Variants in GALNT9 observed in about 807,000 individuals in gnomAD.
GALNT9 encodes polypeptide N-acetylgalactosaminyltransferase 9.
GALNT9 carries 47 observed loss-of-function variants against 63.1 expected under a neutral mutation model. That is an observed-to-expected ratio of 0.75 (90% CI 0.59 to 0.95). GALNT9 has a LOEUF of 0.95. Among genes scored for constraint, GALNT9 ranks in the 40% least tolerant of loss-of-function variants. The pLI is 0.00. For synonymous variants in GALNT9, 396 were observed against 365.7 expected (o/e 1.08, Z -0.94); for missense variants, 829 against 874.8 (o/e 0.95, Z 0.66).
intron 5 of GALNT9, among the ~76,000 whole-genome samples, chr12:132,250,328 CGGG>C (rs2135536382): frequency 6.6e-6 from 1 of 152,182 alleles, no homozygotes; most frequent in East Asian, 1.9e-4. Context: ...GGGGTCCCCA[CGGG>C]GAGGGAGGAC....
chr12:132,278,563 G>A (rs1555241435), intron 2 of GALNT9: 2 of 152,244 alleles, frequency 1.3e-5, no homozygotes, highest in African/African-American at 2.4e-5. Context: ...CCAAGAGGAA[G>A]TGGAGGCTGA....
At chr12:132,326,391 G>A (rs1187512956) in intron 1 of GALNT9, among the ~76,000 whole-genome samples, 1 of 152,230 alleles carries the variant, frequency 6.6e-6, no homozygotes, top group Non-Finnish European at 1.5e-5. Flanking sequence ...ACTACACAGA[G>A]CTTCCTTAAT....
intron 6 of GALNT9, among the ~76,000 whole-genome samples, chr12:132,244,157 G>A (rs1878602749): frequency 7.7e-6 from 1 of 129,300 alleles, no homozygotes; most frequent in Admixed American, 8.0e-5. Flanking sequence ...GACAGCCTGC[G>A]GTGCCTCCAC....
chr12:132,317,523 C>T (rs554832437), intron 1 of GALNT9, among the ~76,000 whole-genome samples: 1 of 152,380 alleles, frequency 6.6e-6, no homozygotes, highest in South Asian at 2.1e-4. Flanking sequence ...TCCAGGATCA[C>T]CTGCGAACAG....
At chr12:132,198,065 C>G in intron 9 of GALNT9, 106 bp from the exon 10 acceptor site, 6 of 967,150 alleles carry the variant, frequency 6.2e-6, no homozygotes, top group South Asian at 1.6e-5. Context: ...GGGCCCTGCG[C>G]GGCTGCCTTG....
intron 2 of GALNT9, among the ~76,000 whole-genome samples, chr12:132,272,029 G>A (rs1279803448): frequency 6.6e-6 from 1 of 152,114 alleles, no homozygotes; most frequent in Non-Finnish European, 1.5e-5. Context: ...CTGCGCTCGA[G>A]GGCGGGGGGA....
Position 132,296,758 on chromosome 12 carries a change from G to C in GALNT9, c.239-10328C>G, listed in dbSNP as rs963740639. 6.6e-6 allele frequency among the ~76,000 whole-genome samples: 1 copy of C among 151,846 alleles called. No homozygotes were observed. The highest frequency in any genetic ancestry group is 2.4e-5 in the African/African-American group (1 of 41,324). On this transcript the variant is annotated intron_variant, in intron 1 of 10. Coordinates refer to ENST00000328957, the MANE Select transcript of GALNT9 (RefSeq NM_001122636.2). This position sits in a 1 kb window ranked among gnomAD's most constrained non-coding sequence, Gnocchi z 4.2. ...CACTCTGGGAGGCTGGGAAGTCCAA[G>C]ATGAAGAGGCACGGATCTGACTTCG...
intron 6 of GALNT9, among the ~76,000 whole-genome samples, chr12:132,208,425 TGA>T (rs1876816074): frequency 6.6e-6 from 1 of 152,218 alleles, no homozygotes; most frequent in South Asian, 2.1e-4. Context: ...CTCTCCCCAC[TGA>T]GAGGGGGACG....
At chr12:132,328,864 C>T (rs1179566766) in intron 1 of GALNT9, 102 bp downstream of exon 1, 2 of 1,309,808 alleles carry the variant, frequency 1.5e-6, no homozygotes, top group Admixed American at 3.1e-5. Flanking sequence ...CCCACAGGGG[C>T]GCAGAGGGGC....
intron 1 of GALNT9, among the ~76,000 whole-genome samples, chr12:132,305,659 A>G (rs1881580595): frequency 6.6e-6 from 1 of 151,930 alleles, no homozygotes; most frequent in Non-Finnish European, 1.5e-5. Context: ...TCGCCCGGGC[A>G]CAGCCTCGCC....
At chr12:132,304,976 C>A (rs1881523499) in intron 1 of GALNT9, among the ~76,000 whole-genome samples, 1 of 36,394 alleles carries the variant, frequency 2.7e-5, no homozygotes, top group Non-Finnish European at 4.8e-5. Flanking sequence ...CGGGCACACC[C>A]TCACCCGGGC....
At chr12:132,314,378 T>C (rs964137861) in intron 1 of GALNT9, among the ~76,000 whole-genome samples, 4 of 152,156 alleles carry the variant, frequency 2.6e-5, no homozygotes, top group East Asian at 3.9e-4. Context: ...GGACCTACCA[T>C]GTGGGAGGCA....
rs563397226 is a variant in GALNT9 at position 132,216,242 on chromosome 12, G to A, written c.1078-12552C>T. Among the ~76,000 whole-genome samples the A allele has an allele frequency of 3.9e-5, 6 of 152,324 alleles. No individual in the cohort carries two copies. The East Asian group carries it at 1.2e-3, about 29-fold the overall frequency. On this transcript the variant is annotated intron_variant, in intron 6 of 10. Coordinates refer to ENST00000328957, the MANE Select transcript of GALNT9 (RefSeq NM_001122636.2). ...AGACAAAGGAACAGATTATAGAGAA[G>A]ACAGAGATAGAGATGAAGACACAGA...
chr12:132,259,965 G>GAGCA (rs1879303587), intron 4 of GALNT9, among the ~76,000 whole-genome samples: 1 of 151,580 alleles, frequency 6.6e-6, no homozygotes, highest in African/African-American at 2.4e-5. Flanking sequence ...GGAACACCCT[G>GAGCA]TGCATTGTGG....
intron 6 of GALNT9, among the ~76,000 whole-genome samples, chr12:132,225,855 ACACT>A (rs1417477903): frequency 7.2e-6 from 1 of 139,454 alleles, no homozygotes; most frequent in Non-Finnish European, 1.5e-5. Context: ...CACACCCCAC[ACACT>A]GTGTATACAC....
intron 2 of GALNT9, among the ~76,000 whole-genome samples, chr12:132,264,080 T>A (rs1021502070): frequency 1.1e-4 from 16 of 152,238 alleles, no homozygotes; most frequent in African/African-American, 3.1e-4. Flanking sequence ...TCATTCTCAA[T>A]GACCTCTCAT....
intron 3 of GALNT9, among the ~76,000 whole-genome samples, chr12:132,262,068 A>G (rs782067769): frequency 5.3e-5 from 8 of 152,200 alleles, no homozygotes; most frequent in Non-Finnish European, 7.4e-5. Flanking sequence ...GCTGACCCCA[A>G]CTTCATCTCC....
intron 6 of GALNT9, among the ~76,000 whole-genome samples, chr12:132,213,338 A>G (rs1182961069): frequency 6.7e-6 from 1 of 148,536 alleles, no homozygotes; most frequent in Non-Finnish European, 1.5e-5. Flanking sequence ...CAACCCCACA[A>G]TTGTGTGAGC....
At chr12:132,306,895 C>T (rs117636881) in intron 1 of GALNT9, among the ~76,000 whole-genome samples, 14 of 152,268 alleles carry the variant, frequency 9.2e-5, no homozygotes, top group Admixed American at 5.9e-4. Flanking sequence ...CCCGAGGGAG[C>T]GCACTGTTCT....
Sources: gnomAD v4.1 joint callset for allele counts (sites outside exome capture counted in the v4.1 genomes callset) on GRCh38, gnomAD v4.1.1 for gene constraint, Gnocchi (gnomAD v3.1) non-coding constraint, MANE v1.5 for transcripts, NCBI Gene and HGNC (gene_info 2026-07-23, HGNC 2026-07-21) for gene names.